The following SCG3 variants were observed in gnomAD, a reference collection of about 807,000 sequenced individuals.
The protein encoded by SCG3 is secretogranin-3.
In SCG3, 38 loss-of-function variants were observed where a neutral mutation model predicts 56.2. That is an observed-to-expected ratio of 0.68 (90% confidence interval 0.52 to 0.89). The LOEUF is 0.89. Ranked by LOEUF, SCG3 falls within the 40% of genes least tolerant of loss-of-function variation. SCG3 has a pLI of 0.00. For synonymous variants in SCG3, 176 were observed against 184.2 expected, an observed-to-expected ratio of 0.96 and a Z score of 0.36; for missense variants, 524 against 540.7, an observed-to-expected ratio of 0.97 and a Z score of 0.31.
chr15:51,691,786 C>T (rs1296815701), intron 6 of SCG3, among the ~76,000 whole-genome samples: 1 of 152,158 alleles, frequency 6.6e-6, no homozygotes, highest in Non-Finnish European at 1.5e-5. Flanking sequence ...GGCACCAGCC[C>T]TCCTGGTGGA....
At position 51,719,578 on chromosome 15, in the gene SCG3, G is replaced by C. The variant is rs1430996049; in HGVS notation, c.*52G>C. 2.4e-6 allele frequency: 3 copies of C among 1,253,254 alleles called. No homozygotes were observed. Among genetic ancestry groups the C allele is most frequent in the Middle Eastern group, 3.8e-4 (2 of 5,268 alleles). 77.6% of individuals were successfully genotyped at this position (1,253,254 alleles called of 1,614,324 possible). ...CAACTGTTTCAGAAAACATAATATA[G>C]CTTAAAACACTTCTAATTCTGTGAT... On this transcript the variant is annotated 3_prime_UTR_variant, in exon 12 of 12. Transcript: ENST00000220478.
intron 10 of SCG3, among the ~76,000 whole-genome samples, chr15:51,702,322 T>C (rs2055345030): frequency 6.6e-6 from 1 of 152,178 alleles, no homozygotes; most frequent in Non-Finnish European, 1.5e-5. Context: ...AGTGGCACGA[T>C]CTCAGCTCAC....
At chr15:51,710,544 G>C (rs2055413996) in intron 10 of SCG3, among the ~76,000 whole-genome samples, 1 of 151,966 alleles carries the variant, frequency 6.6e-6, no homozygotes, top group Non-Finnish European at 1.5e-5. Context: ...TAGGTAATTG[G>C]TTCCTGAACA....
rs139911142 is a variant in SCG3 at position 51,683,417 on chromosome 15, T to G, written c.380T>G (p.Leu127Trp). ...IDDYDSTKSG[L>W]DHKFQDDPDG... ...GATTATGACTCTACTAAGAGTGGATTGGATCATAAATTTCAAGGTAAATGA... is the reference window on the plus strand; with the variant it reads ...GATTATGACTCTACTAAGAGTGGATGGGATCATAAATTTCAAGGTAAATGA... The change falls in exon 4 of 12, where the codon TTG (leucine) becomes TGG (tryptophan). Residue 127 changes from leucine to tryptophan, a missense_variant. Transcript: ENST00000220478. The G allele has an allele frequency of 1.2e-6, 2 of 1,600,566 alleles. No individual in the cohort carries two copies. The highest frequency in any genetic ancestry group is 3.5e-5 in the Admixed American group (2 of 57,308).
chr15:51,691,999 A>G (rs2055269898), intron 6 of SCG3, among the ~76,000 whole-genome samples, 160 bp from the exon 7 acceptor site: 2 of 152,196 alleles, frequency 1.3e-5, no homozygotes, highest in Admixed American at 1.3e-4. Context: ...AAATGACAAG[A>G]GCACACATAT....
chr15:51,711,963 G>T (rs916102366), intron 10 of SCG3, among the ~76,000 whole-genome samples: 3 of 152,122 alleles, frequency 2.0e-5, no homozygotes, highest in Admixed American at 2.0e-4. Flanking sequence ...TACAGTGCGG[G>T]CAATTGGAAC....
chr15:51,689,465 T>C (rs1835720309), intron 6 of SCG3, 97 bp downstream of exon 6: 4 of 1,400,548 alleles, frequency 2.9e-6, no homozygotes, highest in Non-Finnish European at 3.8e-6. Context: ...CCTTACTTGA[T>C]ACCAAAGAAG....
intron 10 of SCG3, among the ~76,000 whole-genome samples, chr15:51,709,719 T>TA (rs2055406149): frequency 1.8e-4 from 10 of 54,098 alleles, no homozygotes; most frequent in South Asian, 7.8e-4. Flanking sequence ...TTTTTTTTTT[T>TA]TTTTTTTTTT....
Position 51,719,475 on chromosome 15 carries a change from C to A in SCG3, c.1356C>A (p.Ile452=), listed in dbSNP as rs752841736. The change falls in exon 12 of 12, where the codon ATC becomes ATA. Residue 452 remains isoleucine (I), a synonymous_variant. Coordinates refer to ENST00000220478, the MANE Select transcript of SCG3 (RefSeq NM_013243.4). ...KQADAYVEKG[I]LDKEEAEAIK... The stretch of plus-strand genomic sequence containing the variant: ...CTGATGCTTATGTGGAGAAAGGCAT[C>A]CTTGACAAGGAAGAAGCCGAGGCCA... 11 of 1,613,978 alleles carry A rather than the reference C, an allele frequency of 6.8e-6. No individual in the cohort carries two copies. Among genetic ancestry groups the A allele is most frequent in the Admixed American group, 5.0e-5 (3 of 59,990 alleles).
chr15:51,713,525 C>T, intron 11 of SCG3, 112 bp downstream of exon 11: 1 of 604,376 alleles, frequency 1.7e-6, no homozygotes, highest in South Asian at 2.2e-5. Context: ...CCGCAGAGCC[C>T]AAAAAAGACT....
chr15:51,710,566 A>G (rs1168637602), intron 10 of SCG3, among the ~76,000 whole-genome samples: 2 of 152,152 alleles, frequency 1.3e-5, no homozygotes, highest in Non-Finnish European at 2.9e-5. Flanking sequence ...AAAGCAGCCT[A>G]ATACAATAAT....
Position 51,719,414 on chromosome 15 carries a change from A to G in SCG3, c.1295A>G (p.Asp432Gly). ...CTCTAATAATATTTTCCAGATTATG[A>G]CCTTTCAAAGATGAGAGACTTCATC... The part of the protein sequence containing the change: ...HDKKGNKEDY[D>G]LSKMRDFINK... The change falls in exon 12 of 12, where the codon GAC (aspartate) becomes GGC (glycine). Residue 432 changes from aspartate to glycine, a missense_variant. By Grantham distance (94) the Asp-to-Gly change is moderately conservative. Transcript: ENST00000220478. 6.2e-7 allele frequency: 1 copy of G among 1,610,958 alleles called. No homozygotes were observed. The highest frequency in any genetic ancestry group is 8.5e-7 in the Non-Finnish European group (1 of 1,177,396).
chr15:51,698,021 T>G (rs2055314828), intron 8 of SCG3, among the ~76,000 whole-genome samples: 1 of 152,248 alleles, frequency 6.6e-6, no homozygotes, highest in Non-Finnish European at 1.5e-5. Context: ...AGCAGTGATC[T>G]GCCTTTCTAT....
intron 10 of SCG3, among the ~76,000 whole-genome samples, chr15:51,709,719 T>A (rs1244207064): frequency 1.7e-3 from 90 of 54,014 alleles, no homozygotes; most frequent in Non-Finnish European, 2.5e-3. Flanking sequence ...TTTTTTTTTT[T>A]TTTTTTTTTT....
chr15:51,710,317 G>A (rs2055412490), intron 10 of SCG3, among the ~76,000 whole-genome samples: 1 of 152,180 alleles, frequency 6.6e-6, no homozygotes, highest in African/African-American at 2.4e-5. Flanking sequence ...AAGCATGAAA[G>A]AGGAGGAGAA....
In SCG3 at chr15:51,692,250, G is replaced by A. The variant is rs781513017; in HGVS notation, c.782G>A (p.Arg261Lys). Residue 261 changes from arginine (R) to lysine (K), a missense_variant, in exon 7 of 12, where the codon AGG becomes AAG. By Grantham distance (26) the Arg-to-Lys change is conservative. Coordinates refer to ENST00000220478, the MANE Select transcript of SCG3 (RefSeq NM_013243.4). Reference sequence around the variant, plus strand: ...TTAACCTTGACAAATGGCTTGGAAAGGAGAACTAAAACCTACAGTGAAGAC... The same window carrying A: ...TTAACCTTGACAAATGGCTTGGAAAAGAGAACTAAAACCTACAGTGAAGAC... ...NTLTLTNGLE[R>K]RTKTYSEDNF... The A allele has an allele frequency of 3.1e-6, 5 of 1,614,042 alleles. No homozygotes were observed. Among genetic ancestry groups the A allele is most frequent in the Non-Finnish European group, 4.2e-6 (5 of 1,179,952 alleles).
intron 5 of SCG3, 127 bp from the exon 6 acceptor site, chr15:51,689,092 G>A: frequency 9.7e-7 from 1 of 1,034,642 alleles, no homozygotes; most frequent in Non-Finnish European, 1.4e-6. Flanking sequence ...AGTGAGGGCT[G>A]TCTGAAAGAT....
chr15:51,684,238 C>A (rs2055213992), intron 4 of SCG3, among the ~76,000 whole-genome samples: 1 of 152,134 alleles, frequency 6.6e-6, no homozygotes, highest in African/African-American at 2.4e-5. Flanking sequence ...AACTCCAATC[C>A]TTGTCCAAGC....
chr15:51,686,199 G>A (rs1234602140), intron 4 of SCG3, among the ~76,000 whole-genome samples: 1 of 152,182 alleles, frequency 6.6e-6, no homozygotes, highest in Admixed American at 6.5e-5. Flanking sequence ...TTCATGAGCA[G>A]GAGGGAAGCC....
Sources: gnomAD v4.1 joint callset for allele counts (sites outside exome capture counted in the v4.1 genomes callset) on GRCh38, gnomAD v4.1.1 for gene constraint, MANE v1.5 for transcripts, NCBI Gene and HGNC (gene_info 2026-07-23, HGNC 2026-07-21) for gene names.